The following ZNF362 variants were observed in gnomAD, a reference collection of about 807,000 sequenced individuals.
The protein encoded by ZNF362 is rotund homolog.
Under a neutral mutation model 42.9 loss-of-function variants are expected in ZNF362, and 11 were observed. The observed-to-expected ratio is 0.26, with a 90% CI of 0.16 to 0.42. The LOEUF is 0.42. Among genes scored for constraint, ZNF362 ranks in the 20% least tolerant of loss-of-function variants. The pLI is 1.00. For synonymous variants in ZNF362, 255 were observed against 257.3 expected (o/e 0.99, Z 0.09); for missense variants, 362 against 576.2 (o/e 0.63, Z 3.81).
chr1:33,137,208 C>G, the ZNF362 span, among the ~76,000 whole-genome samples: 1 of 152,076 alleles, frequency 6.6e-6, no homozygotes, highest in Non-Finnish European at 1.5e-5. Flanking sequence ...AGTATGGGGA[C>G]TGGAGGCTAA....
chr1:33,179,959 G>C, the ZNF362 span, among the ~76,000 whole-genome samples: 1 of 152,150 alleles, frequency 6.6e-6, no homozygotes. Context: ...TATTAATAGA[G>C]AGCATTTGGG....
chr1:33,272,160 G>A (rs577664139), intron 2 of ZNF362, among the ~76,000 whole-genome samples: 9 of 152,322 alleles, frequency 5.9e-5, no homozygotes, highest in Non-Finnish European at 4.4e-5. Flanking sequence ...CCTTCTCCAA[G>A]GGGCCAGGTG....
the ZNF362 span, among the ~76,000 whole-genome samples, chr1:33,185,249 T>C: frequency 6.6e-6 from 1 of 151,644 alleles, no homozygotes; most frequent in Non-Finnish European, 1.5e-5. Flanking sequence ...TGAGATGGAG[T>C]CTTGCTCTGT....
the ZNF362 span, among the ~76,000 whole-genome samples, chr1:33,234,573 C>A: frequency 6.6e-6 from 1 of 152,142 alleles, no homozygotes; most frequent in Non-Finnish European, 1.5e-5. Flanking sequence ...AGGAAATGGA[C>A]CCTCCGCATC....
the ZNF362 span, among the ~76,000 whole-genome samples, chr1:33,130,720 G>A: frequency 6.6e-6 from 1 of 152,200 alleles, no homozygotes; most frequent in Non-Finnish European, 1.5e-5. Context: ...TAATTTTAAG[G>A]TAATTTGTTA....
chr1:33,212,185 A>G, the ZNF362 span, among the ~76,000 whole-genome samples: 1 of 151,966 alleles, frequency 6.6e-6, no homozygotes, highest in Non-Finnish European at 1.5e-5. Context: ...CTTCCCCTTC[A>G]CCTTCCACTA....
At chr1:33,174,999 A>ATATT in the ZNF362 span, among the ~76,000 whole-genome samples, 165 of 39,610 alleles carry the variant, frequency 4.2e-3, 2 homozygotes, top group Non-Finnish European at 7.1e-3. Flanking sequence ...GCACACACAC[A>ATATT]TGTATGTATA....
chr1:33,157,748 G>GT, the ZNF362 span, among the ~76,000 whole-genome samples: 304 of 145,004 alleles, frequency 2.1e-3, 1 homozygote, highest in South Asian at 0.01. Flanking sequence ...CCTATCTCAT[G>GT]TTTTTTTTTT....
rs560265381 is a variant in ZNF362 at position 33,286,095 on chromosome 1, G to T, written c.908+4284G>T. Among the ~76,000 whole-genome samples the T allele has an allele frequency of 4.6e-5, 7 of 152,170 alleles. No homozygotes were observed. In the South Asian group the frequency reaches 1.2e-3, roughly 27 times the overall value. On this transcript the variant is annotated intron_variant, in intron 6 of 8. Transcript: ENST00000539719. ...AAAAAAACAAAAAACAACAAAAAAA[G>T]AAGAATACAAAACCCAATCATTGTA...
chr1:33,186,115 A>G, the ZNF362 span, among the ~76,000 whole-genome samples: 1 of 152,158 alleles, frequency 6.6e-6, no homozygotes, highest in Non-Finnish European at 1.5e-5. Flanking sequence ...CACAATTGCT[A>G]TTATTTGTGG....
At chr1:33,226,394 A>G in the ZNF362 span, among the ~76,000 whole-genome samples, 1 of 152,224 alleles carries the variant, frequency 6.6e-6, no homozygotes, top group African/African-American at 2.4e-5. Context: ...AAACTTTCAC[A>G]TGAATATTCA....
the ZNF362 span, among the ~76,000 whole-genome samples, chr1:33,194,620 A>T: frequency 1.3e-5 from 2 of 151,634 alleles, no homozygotes; most frequent in South Asian, 2.1e-4. Context: ...AGCAATAGAG[A>T]TTCAGGTATG....
chr1:33,273,892 T>G (rs1014364626), intron 2 of ZNF362, among the ~76,000 whole-genome samples: 3 of 152,202 alleles, frequency 2.0e-5, no homozygotes, highest in Non-Finnish European at 4.4e-5. Context: ...ATTACTTCAT[T>G]TATTCATTCC....
At chr1:33,179,988 TTTTGTTTG>T in the ZNF362 span, among the ~76,000 whole-genome samples, 9 of 152,238 alleles carry the variant, frequency 5.9e-5, no homozygotes, top group Non-Finnish European at 1.3e-4. Flanking sequence ...GTTCTAATGT[TTTTGTTTG>T]TTTGTTTGTT....
chr1:33,178,858 TC>T, the ZNF362 span, among the ~76,000 whole-genome samples: 1 of 152,172 alleles, frequency 6.6e-6, no homozygotes, highest in African/African-American at 2.4e-5. Context: ...TTCTCCTGTG[TC>T]CCCCAGGTCA....
chr1:33,139,001 A>G, the ZNF362 span, among the ~76,000 whole-genome samples: 1 of 152,226 alleles, frequency 6.6e-6, no homozygotes, highest in South Asian at 2.1e-4. Flanking sequence ...GTAAGCAAAA[A>G]TGCCTGCAAG....
At chr1:33,220,263 T>C in the ZNF362 span, among the ~76,000 whole-genome samples, 3 of 152,210 alleles carry the variant, frequency 2.0e-5, no homozygotes, top group Non-Finnish European at 4.4e-5. Context: ...GGCAGGATTA[T>C]AGACTTCTAT....
At chr1:33,152,332 G>A in the ZNF362 span, among the ~76,000 whole-genome samples, 5 of 152,176 alleles carry the variant, frequency 3.3e-5, no homozygotes, top group South Asian at 8.3e-4. Context: ...TTGGGAGGCC[G>A]AGGCAGGCGG....
At chr1:33,195,261 G>T in the ZNF362 span, 1 of 152,110 alleles carries the variant, frequency 6.6e-6, no homozygotes, top group Non-Finnish European at 1.5e-5. Context: ...TCAGACTTTT[G>T]CTCAAAGAAT....
Sources: allele counts gnomAD v4.1 joint callset (sites outside exome capture counted in the v4.1 genomes callset), GRCh38; gene constraint gnomAD v4.1.1; transcripts MANE v1.5; gene names NCBI Gene and HGNC (gene_info 2026-07-23, HGNC 2026-07-21).